Variants in NRXN1 observed in about 807,000 individuals in gnomAD.
The protein encoded by NRXN1 is neurexin 1, also known as neurexin-1.
In NRXN1, 39 loss-of-function variants were observed where a neutral mutation model predicts 150.9. The ratio of observed to expected loss-of-function variants is 0.26; its 90% CI spans 0.20 to 0.34. The LOEUF (loss-of-function observed/expected upper bound fraction) is 0.34. Among genes scored for constraint, NRXN1 ranks in the 10% least tolerant of loss-of-function variants. The pLI is 1.00. For synonymous variants in NRXN1, 924 were observed against 757.0 expected (o/e 1.22, Z -3.62); for missense variants, 1,815 against 1,949.9 (o/e 0.93, Z 1.30).
intron 2 of NRXN1, among the ~76,000 whole-genome samples, chr2:50,999,569 C>T: frequency 6.6e-6 from 1 of 151,816 alleles, no homozygotes; most frequent in East Asian, 2.0e-4. Context: ...TTTAAAATTT[C>T]TCTCTTTTGT....
At chr2:50,531,036 T>A (rs148332989) in intron 11 of NRXN1, among the ~76,000 whole-genome samples, 191 bp downstream of exon 11, 1 of 152,214 alleles carries the variant, frequency 6.6e-6, no homozygotes, top group African/African-American at 2.4e-5. Flanking sequence ...CAGTAAGTTA[T>A]GTTAAACATA....
rs1462861922 is a variant in NRXN1 at position 50,347,143 on chromosome 2, A to C, written c.3365-110173T>G. On this transcript the variant is annotated intron_variant, in intron 17 of 22. Transcript: ENST00000401669. This position sits in a 1 kb window ranked among gnomAD's most constrained non-coding sequence, Gnocchi z 4.9. ...GGAGTCCGCCGTGCCTAGCACCCCAAACAATCCGAAACATAGCCGAGGCGA... is the reference window on the plus strand; with the variant it reads ...GGAGTCCGCCGTGCCTAGCACCCCACACAATCCGAAACATAGCCGAGGCGA... 4 of 1,378,072 alleles carry C rather than the reference A, an allele frequency of 2.9e-6. No homozygotes were observed. Among genetic ancestry groups the C allele is most frequent in the Non-Finnish European group, 3.8e-6 (4 of 1,047,630 alleles). The allele number at this position is 1,378,072 out of a possible 1,614,324, so 85.4% of individuals were successfully genotyped here. A position where few individuals can be genotyped will look rare whatever the true frequency, so the allele number is the denominator to read the frequency against.
chr2:49,970,443 G>A (rs1677753232), intron 21 of NRXN1: 1 of 151,944 alleles, frequency 6.6e-6, no homozygotes, highest in African/African-American at 2.4e-5. Flanking sequence ...AACTCATATT[G>A]TCTTTAATGT....
At chr2:50,525,700 A>ACT (rs1241224028) in intron 12 of NRXN1, among the ~76,000 whole-genome samples, 1 of 152,230 alleles carries the variant, frequency 6.6e-6, no homozygotes, top group African/African-American at 2.4e-5. Context: ...ATTCAGAGAG[A>ACT]CAGCTTTTTA....
At chr2:51,018,621 T>C (rs943125036) in intron 2 of NRXN1, among the ~76,000 whole-genome samples, 1 of 152,098 alleles carries the variant, frequency 6.6e-6, no homozygotes, top group Non-Finnish European at 1.5e-5. Flanking sequence ...GTGCCCACTG[T>C]ACCATCATCT....
intron 18 of NRXN1, among the ~76,000 whole-genome samples, chr2:50,172,126 T>C (rs1324473605): frequency 2.0e-5 from 3 of 152,286 alleles, no homozygotes; most frequent in Admixed American, 6.5e-5. Flanking sequence ...AATGGGGTTA[T>C]TATAGACAAG....
At chr2:50,115,856 ATGTTT>A (rs1702989670) in intron 18 of NRXN1, among the ~76,000 whole-genome samples, 1 of 152,074 alleles carries the variant, frequency 6.6e-6, no homozygotes, top group African/African-American at 2.4e-5. Flanking sequence ...GTACATATGT[ATGTTT>A]ATATTCAATT....
At chr2:50,861,329 C>T (rs796263804) in intron 5 of NRXN1, among the ~76,000 whole-genome samples, 4 of 152,192 alleles carry the variant, frequency 2.6e-5, no homozygotes, top group Admixed American at 6.5e-5. Context: ...CCTCCCACCT[C>T]GGCCTTCCAA....
intron 5 of NRXN1, among the ~76,000 whole-genome samples, chr2:50,889,279 T>C (rs1296205575): frequency 1.3e-5 from 2 of 151,770 alleles, no homozygotes; most frequent in Admixed American, 1.3e-4. Context: ...AAGTGTTCTC[T>C]GAGCTCTTCA....
chr2:50,273,604 T>G (rs1181181376), intron 17 of NRXN1, among the ~76,000 whole-genome samples: 1 of 152,062 alleles, frequency 6.6e-6, no homozygotes, highest in African/African-American at 2.4e-5. Context: ...ATATTTAAAA[T>G]AACAATAGAA....
chr2:50,453,340 AT>A (rs1220930094), intron 17 of NRXN1, among the ~76,000 whole-genome samples: 1 of 152,170 alleles, frequency 6.6e-6, no homozygotes, highest in East Asian at 1.9e-4. Context: ...AATGTTGACA[AT>A]GCTGATCCAG....
chr2:50,412,260 A>G (rs984205544), intron 17 of NRXN1, among the ~76,000 whole-genome samples: 1 of 152,056 alleles, frequency 6.6e-6, no homozygotes, highest in African/African-American at 2.4e-5. Flanking sequence ...CTATTGTCCT[A>G]TGACCCTGCC....
At chr2:50,769,737 C>G (rs1390773892) in intron 5 of NRXN1, among the ~76,000 whole-genome samples, 1 of 151,962 alleles carries the variant, frequency 6.6e-6, no homozygotes, top group African/African-American at 2.4e-5. Flanking sequence ...TTTCATAAAG[C>G]CTTCAAAAAT....
At chr2:50,229,995 C>T (rs886392275) in intron 18 of NRXN1, among the ~76,000 whole-genome samples, 3 of 151,952 alleles carry the variant, frequency 2.0e-5, no homozygotes, top group African/African-American at 4.8e-5. Context: ...GCTTGGGGCC[C>T]ACCACAAAGC....
chr2:50,753,970 G>T (rs1346887498), intron 5 of NRXN1, among the ~76,000 whole-genome samples: 6 of 139,486 alleles, frequency 4.3e-5, no homozygotes, highest in African/African-American at 1.3e-4. Flanking sequence ...TTTTTGGGGG[G>T]GGGCGGAATT....
At chr2:50,044,241 T>C (rs1264220871) in intron 21 of NRXN1, among the ~76,000 whole-genome samples, 1 of 152,204 alleles carries the variant, frequency 6.6e-6, no homozygotes, top group Non-Finnish European at 1.5e-5. Context: ...GCATATAATT[T>C]ATTCCATGTA....
chr2:50,686,934 T>TA (rs1691316590), intron 5 of NRXN1, among the ~76,000 whole-genome samples: 1 of 152,218 alleles, frequency 6.6e-6, no homozygotes, highest in African/African-American at 2.4e-5. Flanking sequence ...TTCAATTCTC[T>TA]AAAGTTTATG....
At chr2:51,029,280 C>G (rs955077675) in intron 1 of NRXN1, 86 bp from the exon 2 acceptor site, 2 of 151,900 alleles carry the variant, frequency 1.3e-5, no homozygotes, top group African/African-American at 4.8e-5. Context: ...CAAGTGTAGA[C>G]CTGGTCCTAT....
intron 5 of NRXN1, among the ~76,000 whole-genome samples, chr2:50,902,951 A>G (rs1683157218): frequency 6.6e-6 from 1 of 152,192 alleles, no homozygotes; most frequent in South Asian, 2.1e-4. Context: ...AAGGAAGGGA[A>G]GAGGAAGTAC....
Sources: gnomAD v4.1 joint callset for allele counts (sites outside exome capture counted in the v4.1 genomes callset) on GRCh38, gnomAD v4.1.1 for gene constraint, Gnocchi (gnomAD v3.1) non-coding constraint, MANE v1.5 for transcripts, NCBI Gene and HGNC (gene_info 2026-07-23, HGNC 2026-07-21) for gene names.